Variants in DAB2IP observed in about 807,000 individuals in gnomAD.
DAB2IP encodes disabled homolog 2-interacting protein.
DAB2IP carries 28 observed loss-of-function variants against 107.2 expected under a neutral mutation model. The ratio of observed to expected loss-of-function variants is 0.26; its 90% CI spans 0.19 to 0.36. The LOEUF (loss-of-function observed/expected upper bound fraction) is 0.36, where lower values mean the gene tolerates loss of function less well. Among genes scored for constraint, DAB2IP ranks in the 10% least tolerant of loss-of-function variants. The pLI, the probability that DAB2IP is intolerant of heterozygous loss-of-function variation, is 1.00. For synonymous variants in DAB2IP, 755 were observed against 706.4 expected (o/e 1.07, Z -1.09); for missense variants, 1,400 against 1,644.7 (o/e 0.85, Z 2.57).
chr9:121,710,022 A>T (rs376019596), intron 3 of DAB2IP, among the ~76,000 whole-genome samples: 2 of 152,136 alleles, frequency 1.3e-5, no homozygotes, highest in East Asian at 3.9e-4. Context: ...ATACTGTTGC[A>T]GTCCCTGGTT....
At chr9:121,714,306 C>T (rs1025336339) in intron 3 of DAB2IP, among the ~76,000 whole-genome samples, 1 of 152,130 alleles carries the variant, frequency 6.6e-6, no homozygotes, top group African/African-American at 2.4e-5. Flanking sequence ...CTAAATGAGT[C>T]ATTATGGAGG....
intron 1 of DAB2IP, among the ~76,000 whole-genome samples, chr9:121,672,669 A>G (rs571893290): frequency 1.3e-5 from 2 of 152,266 alleles, no homozygotes; most frequent in South Asian, 2.1e-4. Context: ...GGTGACCGAG[A>G]GGTCACATAG....
intron 3 of DAB2IP, chr9:121,752,041 A>G (rs1564200266): frequency 1.0e-6 from 1 of 985,258 alleles, no homozygotes; most frequent in Non-Finnish European, 1.2e-6. Context: ...CCATGTTTAG[A>G]AGGGTCTCGG....
intron 1 of DAB2IP, among the ~76,000 whole-genome samples, chr9:121,567,799 G>A (rs1324610738): frequency 6.6e-6 from 1 of 152,190 alleles, no homozygotes; most frequent in Non-Finnish European, 1.5e-5. Flanking sequence ...GTCTGGAAGA[G>A]GGATTTATAA....
chr9:121,694,004 G>A (rs1829292132), intron 2 of DAB2IP, among the ~76,000 whole-genome samples: 1 of 152,192 alleles, frequency 6.6e-6, no homozygotes, highest in Non-Finnish European at 1.5e-5. Flanking sequence ...GACAAGGACA[G>A]CACTGGGCAA....
At chr9:121,727,433 C>G (rs1360638895) in intron 3 of DAB2IP, among the ~76,000 whole-genome samples, 1 of 152,206 alleles carries the variant, frequency 6.6e-6, no homozygotes, top group Non-Finnish European at 1.5e-5. Flanking sequence ...CACATAGAGG[C>G]GCCAGCGTGC....
At chr9:121,612,168 A>G (rs1831117830) in intron 1 of DAB2IP, among the ~76,000 whole-genome samples, 1 of 151,682 alleles carries the variant, frequency 6.6e-6, no homozygotes. Context: ...AAAAAAAAAA[A>G]TTACCTGGGG....
intron 1 of DAB2IP, among the ~76,000 whole-genome samples, chr9:121,631,677 G>A (rs1190634616): frequency 5.3e-5 from 8 of 152,030 alleles, no homozygotes; most frequent in Non-Finnish European, 1.2e-4. Context: ...TTAGCTGGGC[G>A]TGGTGGCATG....
chr9:121,666,535 CAT>C (rs1225506864), intron 1 of DAB2IP, among the ~76,000 whole-genome samples: 1 of 151,838 alleles, frequency 6.6e-6, no homozygotes, highest in Non-Finnish European at 1.5e-5. Flanking sequence ...ACAATGAGAA[CAT>C]GTGGACACAG....
At chr9:121,715,314 G>C (rs893995733) in intron 3 of DAB2IP, among the ~76,000 whole-genome samples, 1 of 151,752 alleles carries the variant, frequency 6.6e-6, no homozygotes, top group Non-Finnish European at 1.5e-5. Context: ...TAATGACAGC[G>C]TGACTTGGGT....
At chr9:121,773,948 C>T (rs1199909662) in intron 12 of DAB2IP, among the ~76,000 whole-genome samples, 1 of 152,222 alleles carries the variant, frequency 6.6e-6, no homozygotes, top group East Asian at 1.9e-4. Flanking sequence ...GGCTGACAGC[C>T]CAGCCTGGCC....
In DAB2IP at chr9:121,616,989, A is replaced by C. The variant is rs1831301568; in HGVS notation, c.40+49761A>C. On this transcript the variant is annotated intron_variant, in intron 1 of 16. Transcript: ENST00000259371. ...GAGAAGGTCATGAAGGGTGGACCTCAGGGTGAGGGGCCTGGGTGACTGGAG... is the reference window on the plus strand; with the variant it reads ...GAGAAGGTCATGAAGGGTGGACCTCCGGGTGAGGGGCCTGGGTGACTGGAG... Among the ~76,000 whole-genome samples, 5 of 152,290 alleles carry C rather than the reference A, an allele frequency of 3.3e-5. No homozygotes were observed. In the South Asian group the frequency reaches 1.0e-3, roughly 32 times the overall value.
At chr9:121,757,307 G>A (rs955501392) in intron 4 of DAB2IP, 141 bp downstream of exon 4, 21 of 1,137,702 alleles carry the variant, frequency 1.8e-5, no homozygotes, top group African/African-American at 1.3e-4. Flanking sequence ...AGTAGTTACC[G>A]ATAGCTTTCA....
chr9:121,758,510 AG>A lies in DAB2IP; in HGVS notation c.517-385del, dbSNP rs1361470946. ...CCTTGGTTCTTGTGGTTCCGCCTTTAGGGAAAGTACGCTCGGGTTAAGCATT... is the reference window on the plus strand; with the variant it reads ...CCTTGGTTCTTGTGGTTCCGCCTTTAGGAAAGTACGCTCGGGTTAAGCATT... On this transcript the variant is annotated intron_variant, in intron 4 of 15. Transcript: ENST00000408936. Among the ~76,000 whole-genome samples the A allele has an allele frequency of 3.3e-5, 5 of 152,252 alleles. No homozygotes were observed. In the East Asian group the frequency reaches 9.7e-4, roughly 29 times the overall value.
At chr9:121,601,252 C>G (rs1830676567) in intron 1 of DAB2IP, among the ~76,000 whole-genome samples, 2 of 152,200 alleles carry the variant, frequency 1.3e-5, no homozygotes, top group Admixed American at 1.3e-4. Context: ...AAGGGCTGAC[C>G]TGCAGAACCT....
chr9:121,586,374 T>C (rs1830313722), intron 1 of DAB2IP, among the ~76,000 whole-genome samples: 1 of 152,166 alleles, frequency 6.6e-6, no homozygotes, highest in African/African-American at 2.4e-5. Context: ...ATTATGCTAA[T>C]AGTTATAAGA....
Position 121,684,725 on chromosome 9 carries a change from T to A in DAB2IP, c.228+5944T>A, listed in dbSNP as rs922379853. Among the ~76,000 whole-genome samples, 10 of 152,230 alleles carry A rather than the reference T, an allele frequency of 6.6e-5. No individual in the cohort carries two copies. The highest frequency in any genetic ancestry group is 2.4e-4 in the African/African-American group (10 of 41,552). ...CCAAGCTACGGAGGCTCCGGGTGGC[T>A]GTTGGGGTGGGGAACAGAAAAGCCA... On this transcript the variant is annotated intron_variant, in intron 2 of 15. Transcript: ENST00000408936. This position sits in a 1 kb window ranked among gnomAD's most constrained non-coding sequence, Gnocchi z 4.0.
chr9:121,772,840 C>T lies in DAB2IP; in HGVS notation c.2312C>T (p.Pro771Leu), dbSNP rs1381061715. The T allele has an allele frequency of 1.9e-6, 3 of 1,602,588 alleles. No homozygotes were observed. The African/African-American group carries it at 4.0e-5, about 21-fold the overall frequency. The change falls in exon 12 of 16, where the codon CCC becomes CTC. Residue 771 changes from proline (P) to leucine (L), a missense_variant. Around this residue, in one of 3 missense-constraint regions of DAB2IP, gnomAD observed 600 missense variants for 659.1 expected, o/e 0.91. Coordinates refer to ENST00000408936, the Ensembl canonical transcript of DAB2IP. This position sits in a 1 kb window ranked among gnomAD's most constrained non-coding sequence, Gnocchi z 4.7. Reference sequence around the variant, plus strand: ...TCCCCGGCGGGCCCCGACGTCCTCCCCACAGATGGGCAGGCCGCTGCAGCT... The same window carrying T: ...TCCCCGGCGGGCCCCGACGTCCTCCTCACAGATGGGCAGGCCGCTGCAGCT...
At chr9:121,615,834 C>A (rs1349453524) in intron 1 of DAB2IP, among the ~76,000 whole-genome samples, 3 of 152,090 alleles carry the variant, frequency 2.0e-5, no homozygotes, top group African/African-American at 7.2e-5. Context: ...CCATATTGAC[C>A]AGGCTGGTCT....
Sources: gnomAD v4.1 joint callset for allele counts (sites outside exome capture counted in the v4.1 genomes callset) on GRCh38, gnomAD v4.1.1 for gene constraint, gnomAD v4.1.1 regional missense constraint, Gnocchi (gnomAD v3.1) non-coding constraint, MANE v1.5 for transcripts, NCBI Gene and HGNC (gene_info 2026-07-23, HGNC 2026-07-21) for gene names.